Variants in SCRN1 observed in about 807,000 individuals in gnomAD.
SCRN1 encodes secernin 1, also known as secernin-1.
In SCRN1, 19 loss-of-function variants were observed where a neutral mutation model predicts 43.3. The ratio of observed to expected loss-of-function variants is 0.44; its 90% CI spans 0.31 to 0.64. The LOEUF (loss-of-function observed/expected upper bound fraction) is 0.64. Among genes scored for constraint, SCRN1 ranks in the 30% least tolerant of loss-of-function variants. The probability of loss-of-function intolerance (pLI) is 0.09; values close to 1 mark genes in which losing one functional copy is unlikely to be tolerated. For missense variants in SCRN1, 447 were observed against 524.1 expected (o/e 0.85, Z 1.44); for synonymous variants, 183 against 188.9 (o/e 0.97, Z 0.26).
chr7:29,969,255 A>T (rs1310686146), intron 1 of SCRN1, 187 bp from the exon 2 acceptor site: 1 of 630,942 alleles, frequency 1.6e-6, no homozygotes, highest in African/African-American at 1.8e-5. Context: ...AGCCACCGAG[A>T]CCAGATATTG....
intron 2 of SCRN1, among the ~76,000 whole-genome samples, chr7:29,966,714 T>C (rs2128097128): frequency 6.6e-6 from 1 of 152,286 alleles, no homozygotes; most frequent in Middle Eastern, 3.4e-3. Flanking sequence ...TTTATTAAGT[T>C]AGTGGCTCAG....
chr7:29,989,940 C>T, upstream of SCRN1: 6 of 1,252,210 alleles, frequency 4.8e-6, no homozygotes, highest in Non-Finnish European at 6.0e-6. Flanking sequence ...CGGCGCTGCT[C>T]ACCGTCGAGT....
chr7:29,956,619 G>A (rs1263230576), intron 2 of SCRN1, among the ~76,000 whole-genome samples: 2 of 152,172 alleles, frequency 1.3e-5, no homozygotes, highest in African/African-American at 2.4e-5. Context: ...GCTGAAACCC[G>A]TGTGACACAC....
chr7:29,955,110 G>T, intron 3 of SCRN1, 69 bp downstream of exon 3: 1 of 1,373,024 alleles, frequency 7.3e-7, no homozygotes, highest in Non-Finnish European at 1.0e-6. Context: ...AAGGTTTAGG[G>T]AGAAATAAAT....
rs539632218 is a variant in SCRN1, at chr7:29,976,039, T to C, written c.-1-6971A>G. Among the ~76,000 whole-genome samples the C allele has an allele frequency of 3.0e-4, 45 of 152,314 alleles. No homozygotes were observed. In the South Asian group the frequency reaches 8.7e-3, roughly 29 times the overall value. ...AGGTATCATGTAGCTGGTACATTTTTGTGGTAGAGAAAAGAAGTCAGATTA... is the reference window on the plus strand; with the variant it reads ...AGGTATCATGTAGCTGGTACATTTTCGTGGTAGAGAAAAGAAGTCAGATTA... On this transcript the variant is annotated intron_variant, in intron 1 of 7. Transcript: ENST00000242059.
chr7:29,984,504 A>G (rs928056550), intron 1 of SCRN1, among the ~76,000 whole-genome samples: 1 of 152,144 alleles, frequency 6.6e-6, no homozygotes, highest in African/African-American at 2.4e-5. Context: ...GAGCTCTTAC[A>G]TACCAATAAG....
rs1346663486 is a variant in SCRN1, at chr7:29,921,109, T to C, written c.*2848A>G. ...ACAAGACTAGCTAGCTTATGTTTGG[T>C]TATGGGGCAAGGGAGTGGGGGAGAG... is the stretch of plus-strand genomic sequence containing the variant. On this transcript the variant is annotated 3_prime_UTR_variant, in exon 8 of 8. Transcript: ENST00000242059. The C allele has an allele frequency of 6.6e-6, 1 of 152,632 alleles. No homozygotes were observed. Among genetic ancestry groups the C allele is most frequent in the Admixed American group, 6.5e-5 (1 of 15,268 alleles). 9.5% of individuals were successfully genotyped at this position (152,632 alleles called of 1,614,324 possible). A position where few individuals can be genotyped will look rare whatever the true frequency, so the allele number is the denominator to read the frequency against.
At chr7:29,941,396 G>GTT (rs531774085) in intron 4 of SCRN1, among the ~76,000 whole-genome samples, 1 of 151,656 alleles carries the variant, frequency 6.6e-6, no homozygotes, top group East Asian at 1.9e-4. Flanking sequence ...AATCTATATG[G>GTT]TTTTTTTTAA....
At chr7:29,929,588 C>T (rs1787089840) in intron 6 of SCRN1, among the ~76,000 whole-genome samples, 3 of 152,218 alleles carry the variant, frequency 2.0e-5, no homozygotes, top group Non-Finnish European at 2.9e-5. Flanking sequence ...GGCAGCACCG[C>T]TGGGCGGAGC....
At chr7:29,938,408 G>A (rs1241383867) in intron 5 of SCRN1, among the ~76,000 whole-genome samples, 1 of 152,186 alleles carries the variant, frequency 6.6e-6, no homozygotes, top group African/African-American at 2.4e-5. Flanking sequence ...CATCCTCATG[G>A]CATTATTTGT....
rs1159215330 is a variant in SCRN1, at chr7:29,924,001, G to A, written c.1201C>T (p.Leu401Phe). The change falls in exon 8 of 8, where the codon CTT (leucine) becomes TTT (phenylalanine). Residue 401 changes from leucine (L) to phenylalanine (F), a missense_variant. Transcript: ENST00000242059. ...EPLDPAEVGD[L>F]FYDCVDTEIK... ...TCCGTGTCAACACAGTCATAGAAAA[G>A]GTCCCCCACTTCCGCAGGGTCCAGT... 1.2e-6 allele frequency: 2 copies of A among 1,613,890 alleles called. No individual in the cohort carries two copies. The highest frequency in any genetic ancestry group is 1.7e-6 in the Non-Finnish European group (2 of 1,179,990).
At chr7:29,943,947 C>A in intron 4 of SCRN1, 30 bp downstream of exon 4, 1 of 1,610,810 alleles carries the variant, frequency 6.2e-7, no homozygotes, top group Non-Finnish European at 8.5e-7. Context: ...TCCCTGTCCT[C>A]AGAACTCTCC....
intron 4 of SCRN1, among the ~76,000 whole-genome samples, chr7:29,942,558 C>G (rs1787591802): frequency 6.6e-6 from 1 of 152,112 alleles, no homozygotes; most frequent in South Asian, 2.1e-4. Context: ...AATAGTAAGA[C>G]TTCATCTTAG....
chr7:29,959,649 C>A (rs1788243490), intron 2 of SCRN1, among the ~76,000 whole-genome samples: 1 of 152,038 alleles, frequency 6.6e-6, no homozygotes, highest in South Asian at 2.1e-4. Flanking sequence ...TCTTAAGGTT[C>A]ATATAAGTTT....
chr7:29,986,435 A>C (rs541340011), intron 1 of SCRN1, among the ~76,000 whole-genome samples: 2 of 152,126 alleles, frequency 1.3e-5, no homozygotes, highest in South Asian at 4.1e-4. Context: ...AAATTTTTGA[A>C]ATTGTGTGTA....
chr7:29,986,105 G>A (rs1024483622), intron 1 of SCRN1, among the ~76,000 whole-genome samples: 6 of 152,098 alleles, frequency 3.9e-5, no homozygotes, highest in Non-Finnish European at 5.9e-5. Context: ...CTGTGGTGGC[G>A]CACGCCTGTA....
chr7:29,921,669 C>T lies in SCRN1; in HGVS notation c.*2288G>A, dbSNP rs777096193. On this transcript the variant is annotated 3_prime_UTR_variant, in exon 8 of 8. Coordinates refer to ENST00000242059, the MANE Select transcript of SCRN1 (RefSeq NM_014766.5). The stretch of plus-strand genomic sequence containing the variant: ...TTGTGGTGCAGAGTATTAGCCAAGA[C>T]AGCTCTCAATTAGGGTTGCCTTCTT... The T allele has an allele frequency of 6.6e-6, 1 of 152,226 alleles. No individual in the cohort carries two copies. The highest frequency in any genetic ancestry group is 2.4e-5 in the African/African-American group (1 of 41,462). The allele number at this position is 152,226 out of a possible 1,614,324, so 9.4% of individuals were successfully genotyped here.
intron 1 of SCRN1, among the ~76,000 whole-genome samples, chr7:29,979,898 G>T (rs1430152079): frequency 1.3e-5 from 2 of 152,228 alleles, no homozygotes; most frequent in Non-Finnish European, 2.9e-5. Context: ...TACATGGCAG[G>T]TTGGAAAACA....
At chr7:29,943,850 A>G (rs1237405325) in intron 4 of SCRN1, 127 bp downstream of exon 4, 1 of 843,796 alleles carries the variant, frequency 1.2e-6, no homozygotes, top group South Asian at 1.6e-5. Context: ...CCAAAGCATG[A>G]CAGTCCCACA....
Sources: allele counts gnomAD v4.1 joint callset (sites outside exome capture counted in the v4.1 genomes callset), GRCh38; gene constraint gnomAD v4.1.1; transcripts MANE v1.5; gene names NCBI Gene and HGNC (gene_info 2026-07-23, HGNC 2026-07-21).